Variants in ATP9B observed in about 807,000 individuals in gnomAD.
The protein encoded by ATP9B is probable phospholipid-transporting ATPase IIB.
Under a neutral mutation model 146.1 loss-of-function variants are expected in ATP9B, and 110 were observed. The ratio of observed to expected loss-of-function variants is 0.75; its 90% confidence interval spans 0.65 to 0.88. The LOEUF is 0.88. ATP9B is among the 40% of genes least tolerant of loss of function. The pLI is 0.00. For synonymous variants in ATP9B, 604 were observed against 569.7 expected (o/e 1.06, Z -0.86); for missense variants, 1,499 against 1,496.4 (o/e 1.00, Z -0.03).
intron 12 of ATP9B, among the ~76,000 whole-genome samples, chr18:79,255,739 G>A (rs1337735361): frequency 6.6e-6 from 1 of 152,168 alleles, no homozygotes; most frequent in Admixed American, 6.5e-5. Flanking sequence ...CTGGTTCTCA[G>A]TAGCTCCACG....
intron 12 of ATP9B, among the ~76,000 whole-genome samples, chr18:79,255,970 C>T (rs1413343607): frequency 6.6e-6 from 1 of 152,106 alleles, no homozygotes; most frequent in Non-Finnish European, 1.5e-5. Flanking sequence ...CTGCAAGTTG[C>T]TTCCAGAGCC....
chr18:79,203,139 C>T (rs1301860823), intron 9 of ATP9B, among the ~76,000 whole-genome samples: 1 of 152,038 alleles, frequency 6.6e-6, no homozygotes, highest in Non-Finnish European at 1.5e-5. Context: ...TGCCTGATGC[C>T]TCATACAGGT....
At chr18:79,317,033 G>C (rs1233834689) in intron 15 of ATP9B, among the ~76,000 whole-genome samples, 1 of 152,116 alleles carries the variant, frequency 6.6e-6, no homozygotes, top group Non-Finnish European at 1.5e-5. Flanking sequence ...TAAAATAAGT[G>C]TTTTCTGGAG....
chr18:79,207,602 C>T (rs1017602218), intron 10 of ATP9B, among the ~76,000 whole-genome samples: 6 of 151,944 alleles, frequency 3.9e-5, no homozygotes, highest in African/African-American at 2.4e-5. Flanking sequence ...GGGTTGGTAT[C>T]GATGCTGGTG....
At position 79,348,131 on chromosome 18, in the gene ATP9B, G is replaced by C; in HGVS notation, c.2839-1G>C. The C allele has an allele frequency of 6.2e-7, 1 of 1,613,772 alleles. No individual in the cohort carries two copies. The highest frequency in any genetic ancestry group is 8.5e-7 in the Non-Finnish European group (1 of 1,179,974). The stretch of plus-strand genomic sequence containing the variant: ...TCTTCGTCTGTGGGCTCTCTCTCCA[G>C]GCTGTGTTTTCCTCAGTCTTCTACT... On this transcript the variant is annotated splice_acceptor_variant, in intron 24 of 29. Coordinates refer to ENST00000426216, the MANE Select transcript of ATP9B (RefSeq NM_198531.5). LOFTEE classifies it high-confidence loss of function.
At chr18:79,179,663 T>C (rs1301172749) in intron 8 of ATP9B, among the ~76,000 whole-genome samples, 3 of 152,210 alleles carry the variant, frequency 2.0e-5, no homozygotes, top group African/African-American at 7.2e-5. Flanking sequence ...CATATTCTGT[T>C]CTATTTCAGT....
intron 3 of ATP9B, among the ~76,000 whole-genome samples, chr18:79,111,685 A>G (rs1329653827): frequency 6.6e-6 from 1 of 152,216 alleles, no homozygotes; most frequent in African/African-American, 2.4e-5. Context: ...TAGAGTATTG[A>G]TTGCAGTCGT....
chr18:79,129,558 C>T (rs1313413159), intron 5 of ATP9B, among the ~76,000 whole-genome samples: 1 of 151,966 alleles, frequency 6.6e-6, no homozygotes, highest in Admixed American at 6.6e-5. Context: ...AGAACACTGG[C>T]TGAATATAAG....
In ATP9B at chr18:79,172,129, C is replaced by T. The variant is rs959555259; in HGVS notation, c.779-4684C>T. Among the ~76,000 whole-genome samples, 36 of 152,340 alleles carry T rather than the reference C, an allele frequency of 2.4e-4. 1 individual carries two copies. Among genetic ancestry groups the T allele is most frequent in the East Asian group, 1.4e-3 (7 of 5,168 alleles). ...GTCTCGAGCTCCTGACCTCATGATC[C>T]GCCCACCTCAAACTCCTGACCTTGC... is the stretch of plus-strand genomic sequence containing the variant. On this transcript the variant is annotated intron_variant, in intron 7 of 29. Transcript: ENST00000426216.
chr18:79,312,709 G>T (rs1410490823), intron 15 of ATP9B, among the ~76,000 whole-genome samples: 1 of 152,118 alleles, frequency 6.6e-6, no homozygotes, highest in Admixed American at 6.5e-5. Flanking sequence ...TAGGAATATT[G>T]GTCCTTAAAA....
chr18:79,184,805 A>G (rs1160389488), intron 8 of ATP9B, among the ~76,000 whole-genome samples: 3 of 152,156 alleles, frequency 2.0e-5, no homozygotes, highest in African/African-American at 7.2e-5. Context: ...CTTGGACAAA[A>G]GCCCCACCCT....
At chr18:79,130,812 G>GA (rs1471586875) in intron 5 of ATP9B, among the ~76,000 whole-genome samples, 2 of 151,538 alleles carry the variant, frequency 1.3e-5, no homozygotes, top group East Asian at 1.9e-4. Flanking sequence ...GTGAGAGAGA[G>GA]AGAAAAAAAA....
At chr18:79,195,484 G>A (rs1034141486) in intron 9 of ATP9B, among the ~76,000 whole-genome samples, 2 of 152,066 alleles carry the variant, frequency 1.3e-5, no homozygotes, top group East Asian at 1.9e-4. Flanking sequence ...ATTTCTAAAA[G>A]CAAGGAAAGA....
chr18:79,336,518 A>G, intron 17 of ATP9B, 110 bp from the exon 18 acceptor site: 2 of 924,028 alleles, frequency 2.2e-6, no homozygotes, highest in Non-Finnish European at 3.4e-6. Context: ...AGGTGGGCAC[A>G]GGACATGAGG....
chr18:79,315,784 G>C (rs1254980092), intron 15 of ATP9B, among the ~76,000 whole-genome samples: 1 of 152,244 alleles, frequency 6.6e-6, no homozygotes, highest in African/African-American at 2.4e-5. Context: ...AGAAGTGCAA[G>C]TGTGTAAACA....
intron 11 of ATP9B, among the ~76,000 whole-genome samples, chr18:79,218,817 G>T (rs1180488879): frequency 6.6e-6 from 1 of 152,216 alleles, no homozygotes; most frequent in Non-Finnish European, 1.5e-5. Context: ...TCATTGGCCA[G>T]AACAATTAAA....
chr18:79,186,344 T>C (rs1334213087), intron 8 of ATP9B, among the ~76,000 whole-genome samples: 1 of 152,208 alleles, frequency 6.6e-6, no homozygotes, highest in Non-Finnish European at 1.5e-5. Context: ...TATTGAAAAC[T>C]TCAGAATGAT....
chr18:79,169,304 TTGTC>T (rs2095033748), intron 7 of ATP9B, among the ~76,000 whole-genome samples: 1 of 152,204 alleles, frequency 6.6e-6, no homozygotes. Context: ...TCACATTTGG[TTGTC>T]TGTCTTTACT....
At chr18:79,171,602 A>G (rs749704779) in intron 7 of ATP9B, among the ~76,000 whole-genome samples, 7 of 152,008 alleles carry the variant, frequency 4.6e-5, no homozygotes, top group Non-Finnish European at 1.0e-4. Context: ...GTAGTAGAAT[A>G]TCAGACCAGG....
Sources: allele counts gnomAD v4.1 joint callset (sites outside exome capture counted in the v4.1 genomes callset), GRCh38; gene constraint gnomAD v4.1.1; transcripts MANE v1.5; gene names NCBI Gene and HGNC (gene_info 2026-07-23, HGNC 2026-07-21).